Variants in NRXN3 observed in about 807,000 individuals in gnomAD.
NRXN3 encodes the protein neurexin 3, also known as neurexin III.
A neutral mutation model predicts 137.6 loss-of-function variants in NRXN3; 32 were observed. That is an observed-to-expected ratio of 0.23 (90% CI 0.18 to 0.31). The LOEUF (loss-of-function observed/expected upper bound fraction) is 0.31, where lower values mean the gene tolerates loss of function less well. NRXN3 is among the 10% of genes least tolerant of loss of function. NRXN3 has a pLI of 1.00. For synonymous variants in NRXN3, 798 were observed against 784.5 expected (o/e 1.02, Z -0.29); for missense variants, 1,574 against 2,062.5 (o/e 0.76, Z 4.59).
chr14:78,276,925 G>A (rs1329032093), intron 2 of NRXN3, among the ~76,000 whole-genome samples: 1 of 152,144 alleles, frequency 6.6e-6, no homozygotes, highest in South Asian at 2.1e-4. Context: ...TAATGGACCC[G>A]CCTAGTTATT....
rs1283554703 is a variant in NRXN3, at chr14:78,292,629, G to T, written c.728-5202G>T. On this transcript the variant is annotated intron_variant, in intron 3 of 20. Transcript: ENST00000335750. The stretch of plus-strand genomic sequence containing the variant: ...ATTATTTTTTAAAAAAGGAATTGTA[G>T]TTCCATAAGAATTTGACATTGGCAA... Among the ~76,000 whole-genome samples, 5 of 152,302 alleles carry T rather than the reference G, an allele frequency of 3.3e-5. 1 individual carries two copies. In the East Asian group the frequency reaches 9.6e-4, roughly 29 times the overall value.
chr14:78,263,027 G>T (rs2153476873), intron 2 of NRXN3, among the ~76,000 whole-genome samples: 1 of 144,506 alleles, frequency 6.9e-6, no homozygotes, highest in South Asian at 2.3e-4. Context: ...AATAAACAAT[G>T]TAGTACATTT....
At chr14:79,852,848 G>A (rs985554039) in intron 20 of NRXN3, among the ~76,000 whole-genome samples, 2 of 151,228 alleles carry the variant, frequency 1.3e-5, no homozygotes, top group Non-Finnish European at 2.9e-5. Flanking sequence ...TGGGAATTAA[G>A]TGCTTTTTAT....
intron 3 of NRXN3, among the ~76,000 whole-genome samples, chr14:78,288,678 C>G (rs988142376): frequency 8.5e-5 from 13 of 152,100 alleles, no homozygotes; most frequent in Non-Finnish European, 1.8e-4. Context: ...TGGAATGATT[C>G]TTTTCTAAAA....
At chr14:78,674,202 C>T (rs1281365101) in intron 6 of NRXN3, among the ~76,000 whole-genome samples, 1 of 152,166 alleles carries the variant, frequency 6.6e-6, no homozygotes. Flanking sequence ...ACTCTGCTCA[C>T]TTGAGGTTAA....
chr14:79,664,012 T>C (rs2098546613), intron 17 of NRXN3, 63 bp downstream of exon 17: 18 of 1,545,510 alleles, frequency 1.2e-5, no homozygotes, highest in Non-Finnish European at 1.6e-5. Context: ...TTTTCAGTGG[T>C]GATTTTTCTC....
At chr14:78,965,878 C>T (rs1468962270) in intron 11 of NRXN3, 147 bp from the exon 12 acceptor site, 5 of 847,198 alleles carry the variant, frequency 5.9e-6, no homozygotes, top group Non-Finnish European at 9.2e-6. Flanking sequence ...AAGGTATCTA[C>T]CATATTGAAT....
chr14:78,358,247 A>G (rs957508742), intron 4 of NRXN3, among the ~76,000 whole-genome samples: 3 of 152,182 alleles, frequency 2.0e-5, no homozygotes, highest in Non-Finnish European at 2.9e-5. Flanking sequence ...AGTGTTTACC[A>G]TGTACTAAGT....
At position 79,500,163 on chromosome 14, in the gene NRXN3, T is replaced by G. The variant is rs115040135; in HGVS notation, c.3444+32761T>G. ...ACAGACATTTATCTTTAAGTCATGA[T>G]AGATGAATTTCTCATATGGGCAGTT... On this transcript the variant is annotated intron_variant, in intron 16 of 20. Coordinates refer to ENST00000335750, the MANE Select transcript of NRXN3 (RefSeq NM_001330195.2). 6.3e-4 allele frequency among the ~76,000 whole-genome samples: 92 copies of G among 146,704 alleles called. 1 individual carries two copies. Among genetic ancestry groups the G allele is most frequent in the Middle Eastern group, 3.8e-3 (1 of 262 alleles).
intron 1 of NRXN3, among the ~76,000 whole-genome samples, chr14:78,173,965 G>A (rs530845922): frequency 2.0e-5 from 3 of 151,918 alleles, no homozygotes; most frequent in African/African-American, 7.2e-5. Flanking sequence ...CTGCGGTCAC[G>A]TTAGAGCCTC....
intron 4 of NRXN3, among the ~76,000 whole-genome samples, chr14:78,327,890 G>A (rs930751395): frequency 6.6e-6 from 1 of 152,132 alleles, no homozygotes; most frequent in African/African-American, 2.4e-5. Flanking sequence ...GAGGATCCAG[G>A]GGAATGTAGA....
intron 15 of NRXN3, among the ~76,000 whole-genome samples, chr14:79,417,143 G>A (rs2095508418): frequency 6.6e-6 from 1 of 152,180 alleles, no homozygotes; most frequent in Non-Finnish European, 1.5e-5. Context: ...GTATGATGGA[G>A]ATGATTATTA....
intron 8 of NRXN3, among the ~76,000 whole-genome samples, chr14:78,791,925 T>C (rs28402689): frequency 0.063 from 9,647 of 152,100 alleles, 486 homozygotes; most frequent in African/African-American, 0.14. Flanking sequence ...TAGCTAATTC[T>C]AGGTGGCAAG....
chr14:79,218,737 A>G (rs577860994), intron 15 of NRXN3, among the ~76,000 whole-genome samples: 1 of 152,288 alleles, frequency 6.6e-6, no homozygotes, highest in African/African-American at 2.4e-5. Flanking sequence ...AACAACAAAA[A>G]AGGTCAGAGA....
intron 15 of NRXN3, among the ~76,000 whole-genome samples, chr14:79,185,717 G>A (rs957543277): frequency 6.6e-6 from 1 of 152,042 alleles, no homozygotes; most frequent in African/African-American, 2.4e-5. Context: ...CGCCCACCTT[G>A]GCCTCCCAAA....
intron 16 of NRXN3, among the ~76,000 whole-genome samples, chr14:79,531,705 G>A (rs1027183036): frequency 6.6e-6 from 1 of 152,148 alleles, no homozygotes; most frequent in Non-Finnish European, 1.5e-5. Context: ...CCTCACTATA[G>A]CTGTGAGATG....
At chr14:78,913,258 C>CTTTG (rs2099244690) in intron 10 of NRXN3, among the ~76,000 whole-genome samples, 1 of 84,452 alleles carries the variant, frequency 1.2e-5, no homozygotes, top group African/African-American at 6.1e-5. Flanking sequence ...TTCTTTCTTT[C>CTTTG]TTTCTTTCTT....
intron 4 of NRXN3, among the ~76,000 whole-genome samples, chr14:78,385,290 AACACACACACACACAC>A (rs34246142): frequency 1.0e-3 from 150 of 147,444 alleles, no homozygotes; most frequent in Middle Eastern, 3.5e-3. Context: ...AACTTTAAGC[AACACACACACACACAC>A]ACACACACAC....
At chr14:78,899,422 G>A (rs1411873712) in intron 10 of NRXN3, among the ~76,000 whole-genome samples, 1 of 151,948 alleles carries the variant, frequency 6.6e-6, no homozygotes, top group African/African-American at 2.4e-5. Flanking sequence ...CCCATTATGA[G>A]ATGGGAAACC....
Sources: gnomAD v4.1 joint callset for allele counts (sites outside exome capture counted in the v4.1 genomes callset) on GRCh38, gnomAD v4.1.1 for gene constraint, MANE v1.5 for transcripts, NCBI Gene and HGNC (gene_info 2026-07-23, HGNC 2026-07-21) for gene names.